The following DAP variants were observed in gnomAD, a reference collection of about 807,000 sequenced individuals.
DAP encodes the protein death-associated protein 1.
A neutral mutation model predicts 13.8 loss-of-function variants in DAP; 8 were observed. The ratio of observed to expected loss-of-function variants is 0.58; its 90% confidence interval spans 0.34 to 1.05. The LOEUF is 1.05. DAP is among the 50% of genes least tolerant of loss of function. The pLI, the probability that DAP is intolerant of heterozygous loss-of-function variation, is 0.03. For synonymous variants in DAP, 47 were observed against 47.5 expected, an observed-to-expected ratio of 0.99 and a Z score of 0.04; for missense variants, 106 against 133.2, an observed-to-expected ratio of 0.80 and a Z score of 1.01.
At chr5:10,755,190 C>A (rs1740151445) in intron 1 of DAP, among the ~76,000 whole-genome samples, 1 of 152,090 alleles carries the variant, frequency 6.6e-6, no homozygotes, top group Non-Finnish European at 1.5e-5. Flanking sequence ...GTCATTGCTG[C>A]CTTTGAAGAA....
chr5:10,740,161 T>C (rs770336330), intron 2 of DAP, among the ~76,000 whole-genome samples: 1 of 152,160 alleles, frequency 6.6e-6, no homozygotes, highest in Non-Finnish European at 1.5e-5. Flanking sequence ...ATATCAAAGA[T>C]GAATTCTTTC....
Position 10,698,443 on chromosome 5 carries a change from C to T in DAP, c.153-14872G>A, listed in dbSNP as rs138907234. On this transcript the variant is annotated intron_variant, in intron 2 of 3. Coordinates refer to ENST00000230895, the MANE Select transcript of DAP (RefSeq NM_004394.3). ...CACCCACGTTTATAGCAAACACCGCCGAGTATTAGAATACAATGGGAGCGC... is the reference window on the plus strand; with the variant it reads ...CACCCACGTTTATAGCAAACACCGCTGAGTATTAGAATACAATGGGAGCGC... Among the ~76,000 whole-genome samples, 176 of 152,204 alleles carry T rather than the reference C, an allele frequency of 1.2e-3. 1 individual carries two copies. The highest frequency in any genetic ancestry group is 3.9e-3 in the African/African-American group (164 of 41,522).
chr5:10,746,772 C>T (rs946398956), intron 2 of DAP, among the ~76,000 whole-genome samples: 1 of 152,216 alleles, frequency 6.6e-6, no homozygotes, highest in Non-Finnish European at 1.5e-5. Context: ...TCTTCCCTCA[C>T]GTGGCCGCTC....
At chr5:10,700,724 TGG>T (rs1738556080) in intron 2 of DAP, among the ~76,000 whole-genome samples, 1 of 152,196 alleles carries the variant, frequency 6.6e-6, no homozygotes, top group South Asian at 2.1e-4. Context: ...ACCACCCAGA[TGG>T]GGCCGGCCTT....
At chr5:10,745,083 C>T (rs139506668) in intron 2 of DAP, among the ~76,000 whole-genome samples, 2 of 152,306 alleles carry the variant, frequency 1.3e-5, no homozygotes, top group African/African-American at 4.8e-5. Context: ...GCTCATTGCA[C>T]TCTGTAAGAA....
chr5:10,734,852 T>C (rs1010769025), intron 2 of DAP, among the ~76,000 whole-genome samples: 2 of 152,242 alleles, frequency 1.3e-5, no homozygotes, highest in East Asian at 3.8e-4. Flanking sequence ...ATATTCTATT[T>C]ACATTTATTT....
chr5:10,728,224 A>G lies in DAP; in HGVS notation c.152+19951T>C, dbSNP rs141019456. Among the ~76,000 whole-genome samples, 520 of 152,342 alleles carry G rather than the reference A, an allele frequency of 3.4e-3. 2 individuals carry two copies. The highest frequency in any genetic ancestry group is 0.012 in the African/African-American group (506 of 41,580). On this transcript the variant is annotated intron_variant, in intron 2 of 3. Coordinates refer to ENST00000230895, the MANE Select transcript of DAP (RefSeq NM_004394.3). ...TATTTACTAATATTTGTTTACAAATATTTATTCTTTTGAGAATTATTTGTT... is the reference window on the plus strand; with the variant it reads ...TATTTACTAATATTTGTTTACAAATGTTTATTCTTTTGAGAATTATTTGTT...
intron 1 of DAP, among the ~76,000 whole-genome samples, chr5:10,750,340 T>G (rs1270903354): frequency 6.6e-6 from 1 of 152,170 alleles, no homozygotes; most frequent in Admixed American, 6.5e-5. Flanking sequence ...CCAGCCCGAC[T>G]GGAGGGAGAT....
At chr5:10,713,829 G>C (rs1193443267) in intron 2 of DAP, among the ~76,000 whole-genome samples, 1 of 152,254 alleles carries the variant, frequency 6.6e-6, no homozygotes, top group Non-Finnish European at 1.5e-5. Context: ...TTCTCTAATG[G>C]ACGGTAAACA....
At chr5:10,709,677 T>C (rs879387092) in intron 2 of DAP, among the ~76,000 whole-genome samples, 8 of 152,220 alleles carry the variant, frequency 5.3e-5, no homozygotes, top group Non-Finnish European at 1.0e-4. Flanking sequence ...TGCTTGCCTC[T>C]GACCACATGA....
chr5:10,706,821 C>T (rs533818460), intron 2 of DAP, among the ~76,000 whole-genome samples: 11 of 152,130 alleles, frequency 7.2e-5, no homozygotes, highest in Non-Finnish European at 1.5e-4. Context: ...TAGGTGGGAG[C>T]ACTGCCCTCG....
intron 2 of DAP, among the ~76,000 whole-genome samples, chr5:10,691,697 C>A (rs1439641065): frequency 6.6e-6 from 1 of 152,206 alleles, no homozygotes; most frequent in Admixed American, 6.5e-5. Flanking sequence ...GCCCCATATC[C>A]TCAGGCCTTT....
At chr5:10,693,063 G>T (rs1418413206) in intron 2 of DAP, among the ~76,000 whole-genome samples, 3 of 151,816 alleles carry the variant, frequency 2.0e-5, no homozygotes, top group Non-Finnish European at 1.5e-5. Flanking sequence ...ATCCTGGTAG[G>T]GATTAGGGTC....
At chr5:10,696,612 C>T (rs1285022374) in intron 2 of DAP, among the ~76,000 whole-genome samples, 2 of 152,188 alleles carry the variant, frequency 1.3e-5, no homozygotes, top group Non-Finnish European at 2.9e-5. Flanking sequence ...TGGAATAGGC[C>T]TCCACTGACA....
intron 2 of DAP, among the ~76,000 whole-genome samples, chr5:10,722,306 G>C (rs537237846): frequency 6.6e-6 from 1 of 151,992 alleles, no homozygotes; most frequent in Admixed American, 6.6e-5. Flanking sequence ...TGAAGCGAGA[G>C]ACTGGCCTCA....
chr5:10,689,808 T>C (rs1724377947), intron 2 of DAP, among the ~76,000 whole-genome samples: 1 of 152,090 alleles, frequency 6.6e-6, no homozygotes. Flanking sequence ...TCACTCAGGA[T>C]GGAAAGGCCG....
At chr5:10,694,318 T>G (rs1738380474) in intron 2 of DAP, among the ~76,000 whole-genome samples, 3 of 152,150 alleles carry the variant, frequency 2.0e-5, no homozygotes, top group African/African-American at 4.8e-5. Flanking sequence ...TTTCTGAGGC[T>G]TAGTTTCCTT....
At chr5:10,728,141 G>A (rs1456802336) in intron 2 of DAP, among the ~76,000 whole-genome samples, 2 of 152,176 alleles carry the variant, frequency 1.3e-5, no homozygotes, top group South Asian at 2.1e-4. Flanking sequence ...CATGAAGGCG[G>A]TTGTAACTTA....
chr5:10,680,933 A>T lies in DAP; in HGVS notation c.*123T>A, dbSNP rs182379177. 2 of 1,539,516 alleles carry T rather than the reference A, an allele frequency of 1.3e-6. No individual in the cohort carries two copies. The highest frequency in any genetic ancestry group is 1.7e-6 in the Non-Finnish European group (2 of 1,146,970). On this transcript the variant is annotated 3_prime_UTR_variant, in exon 4 of 4. Transcript: ENST00000230895. The stretch of plus-strand genomic sequence containing the variant: ...GGAAATGTAAGGCAAAGGACAGAGC[A>T]CTTGGTTTTGCCTTAGATTTCCCAG...
Sources: gnomAD v4.1 joint callset for allele counts (sites outside exome capture counted in the v4.1 genomes callset) on GRCh38, gnomAD v4.1.1 for gene constraint, MANE v1.5 for transcripts, NCBI Gene and HGNC (gene_info 2026-07-23, HGNC 2026-07-21) for gene names.